The following ADGRG4 variants were observed in gnomAD, a reference collection of about 807,000 sequenced individuals.
ADGRG4 encodes the protein adhesion G protein-coupled receptor G4.
Under a neutral mutation model 126.2 loss-of-function variants are expected in ADGRG4, and 122 were observed. The ratio of observed to expected loss-of-function variants is 0.97; its 90% confidence interval spans 0.83 to 1.12. ADGRG4 has a LOEUF of 1.12. Ranked by LOEUF, ADGRG4 falls within the 50% of genes most tolerant of loss-of-function variation. ADGRG4 has a pLI of 0.00. For missense variants in ADGRG4, 2,481 were observed against 2,251.8 expected, an observed-to-expected ratio of 1.10 and a Z score of -2.06; for synonymous variants, 943 against 838.7, an observed-to-expected ratio of 1.12 and a Z score of -2.15.
Position 136,345,186 on chromosome X carries a change from G to A in ADGRG4, c.1480G>A (p.Ala494Thr), listed in dbSNP as rs778789237. ...TAGAAACCAGACAGCATTTCCATTGGCAACAACTGATATGAAAATAGCATT... is the reference window on the plus strand; with the variant it reads ...TAGAAACCAGACAGCATTTCCATTGACAACAACTGATATGAAAATAGCATT... ...FPRNQTAFPL[A>T]TTDMKIAFTV... Residue 494 changes from alanine to threonine, a missense_variant, in exon 6 of 26, where the codon GCA (alanine) becomes ACA (threonine). Physicochemically the swap from Ala to Thr is moderately conservative, Grantham distance 58. Coordinates refer to ENST00000394143, the MANE Select transcript of ADGRG4 (RefSeq NM_153834.4). The A allele has an allele frequency of 8.3e-7, 1 of 1,209,806 alleles. No homozygotes were observed. Among genetic ancestry groups the A allele is most frequent in the Non-Finnish European group, 1.1e-6 (1 of 893,942 alleles).
At chrX:136,323,463 C>T in intron 5 of ADGRG4, 71 bp downstream of exon 5, 1 of 975,308 alleles carries the variant, frequency 1.0e-6, no homozygotes, top group East Asian at 3.1e-5. Flanking sequence ...TAGCAGTGGC[C>T]CCAGGTTGCT....
chrX:136,324,157 G>T (rs944827143), intron 5 of ADGRG4, among the ~76,000 whole-genome samples: 8 of 111,113 alleles, frequency 7.2e-5, no homozygotes, highest in African/African-American at 2.6e-4. Context: ...ATGTCTGTCA[G>T]ATTTCTCCAC....
intron 5 of ADGRG4, among the ~76,000 whole-genome samples, chrX:136,324,839 C>T (rs757483383): frequency 8.1e-5 from 9 of 111,777 alleles, no homozygotes; most frequent in Admixed American, 5.7e-4. Context: ...TTTACTAAGG[C>T]GTCCCTCTTC....
intron 4 of ADGRG4, among the ~76,000 whole-genome samples, chrX:136,318,452 GA>G (rs1484717309): frequency 1.8e-5 from 2 of 111,860 alleles, no homozygotes; most frequent in Admixed American, 9.5e-5. Flanking sequence ...TCTGGAATTA[GA>G]TAATGGCGAT....
rs757139127 is a variant in ADGRG4 at position 136,349,362 on chromosome X, C to A, written c.5656C>A (p.Pro1886Thr). ...QPLLMTSWNIPTAEGSQFPIS... is the reference protein window; with the variant it reads ...QPLLMTSWNITTAEGSQFPIS... ...TCTGCTTATGACTTCCTGGAACATA[C>A]CCACAGCTGAAGGTTCTCAGTTTCC... Residue 1886 changes from proline to threonine, a missense_variant, in exon 6 of 26, where the codon CCC becomes ACC. Transcript: ENST00000394143. 17 of 1,204,877 alleles carry A rather than the reference C, an allele frequency of 1.4e-5. No individual in the cohort carries two copies. The highest frequency in any genetic ancestry group is 1.8e-5 in the Non-Finnish European group (16 of 890,944).
At chrX:136,319,814 A>G (rs760248450) in intron 4 of ADGRG4, among the ~76,000 whole-genome samples, 106 of 110,492 alleles carry the variant, frequency 9.6e-4, no homozygotes, top group Non-Finnish European at 2.3e-4. Flanking sequence ...CTCTCCATCC[A>G]TTCATCTATC....
chrX:136,327,376 C>T (rs762604281), intron 5 of ADGRG4, among the ~76,000 whole-genome samples: 1 of 109,060 alleles, frequency 9.2e-6, no homozygotes, highest in Non-Finnish European at 1.9e-5. Context: ...TGTAACAGAC[C>T]TGCAAGTTGT....
chrX:136,350,811 C>CACACCAGAAA (rs1348472449), intron 6 of ADGRG4, among the ~76,000 whole-genome samples: 1 of 110,966 alleles, frequency 9.0e-6, no homozygotes, highest in East Asian at 2.8e-4. Flanking sequence ...ATGCTGACCA[C>CACACCAGAAA]ACACCAGAAA....
chrX:136,317,678 A>G (rs1453791210), intron 4 of ADGRG4, among the ~76,000 whole-genome samples: 1 of 111,548 alleles, frequency 9.0e-6, no homozygotes, highest in East Asian at 2.8e-4. Flanking sequence ...AAATATTTGC[A>G]GGTCATCTAT....
At chrX:136,392,108 C>T in intron 16 of ADGRG4, 124 bp from the exon 17 acceptor site, 1 of 544,186 alleles carries the variant, frequency 1.8e-6, no homozygotes. Context: ...CCTTAGCTTG[C>T]AATTTTATTT....
chrX:136,346,811 G>T lies in ADGRG4; in HGVS notation c.3105G>T (p.Glu1035Asp). 1 of 1,211,396 alleles carries T rather than the reference G, an allele frequency of 8.3e-7. No individual in the cohort carries two copies. Among genetic ancestry groups the T allele is most frequent in the Non-Finnish European group, 1.1e-6 (1 of 895,246 alleles). The change falls in exon 6 of 26, where the codon GAG becomes GAT. Residue 1035 changes from glutamate (E) to aspartate (D), a missense_variant. Transcript: ENST00000394143. Reference sequence around the variant, plus strand: ...AGGAGACTGAGGTTACCATGTCTGAGCCTTCTACACTGGCCAGGGCTTTTT... The same window carrying T: ...AGGAGACTGAGGTTACCATGTCTGATCCTTCTACACTGGCCAGGGCTTTTT... The part of the protein sequence containing the change: ...VAEETEVTMS[E>D]PSTLARAFST...
At chrX:136,386,810 T>C (rs2075294499) in intron 15 of ADGRG4, among the ~76,000 whole-genome samples, 1 of 112,409 alleles carries the variant, frequency 8.9e-6, no homozygotes, top group Non-Finnish European at 1.9e-5. Flanking sequence ...AATGTTCCAG[T>C]ACTTGTCAAA....
intron 13 of ADGRG4, among the ~76,000 whole-genome samples, chrX:136,364,601 T>C (rs1432543241): frequency 8.9e-6 from 1 of 112,124 alleles, no homozygotes; most frequent in African/African-American, 3.2e-5. Flanking sequence ...CAACTATTTT[T>C]GTGTTTTTTT....
intron 4 of ADGRG4, among the ~76,000 whole-genome samples, chrX:136,321,122 T>C (rs1337386635): frequency 1.8e-5 from 2 of 111,788 alleles, no homozygotes; most frequent in Non-Finnish European, 3.8e-5. Flanking sequence ...AATTGAGACT[T>C]GGGTTTCATA....
At chrX:136,317,499 C>CAAAAAAAAAAAAAA (rs35736381) in intron 4 of ADGRG4, among the ~76,000 whole-genome samples, 5 of 40,611 alleles carry the variant, frequency 1.2e-4, no homozygotes, top group East Asian at 8.5e-4. Flanking sequence ...GACTCCATCT[C>CAAAAAAAAAAAAAA]AAAAAAAAAA....
intron 25 of ADGRG4, among the ~76,000 whole-genome samples, chrX:136,414,558 T>C (rs1284408219): frequency 8.9e-6 from 1 of 112,638 alleles, no homozygotes; most frequent in Non-Finnish European, 1.9e-5. Flanking sequence ...TATGAATGTG[T>C]TATTAGACTA....
chrX:136,345,079 C>T lies in ADGRG4; in HGVS notation c.1373C>T (p.Ser458Phe), dbSNP rs757913874. 16 of 1,210,755 alleles carry T rather than the reference C, an allele frequency of 1.3e-5. No individual in the cohort carries two copies. Among genetic ancestry groups the T allele is most frequent in the Non-Finnish European group, 1.7e-5 (15 of 894,481 alleles). Residue 458 changes from serine (S) to phenylalanine (F), a missense_variant, in exon 6 of 26, where the codon TCT (serine) becomes TTT (phenylalanine). Ser to Phe is a radical substitution (Grantham distance 155). Coordinates refer to ENST00000394143, the MANE Select transcript of ADGRG4 (RefSeq NM_153834.4). The part of the protein sequence containing the change: ...WFTVEKTSPA[S>F]THVGTASSFP... ...ACAGTGGAAAAGACTTCACCTGCAT[C>T]TACTCATGTTGGGACTGCATCATCA...
chrX:136,308,727 T>C (rs772172872), intron 3 of ADGRG4, 42 bp from the exon 4 acceptor site: 1 of 720,717 alleles, frequency 1.4e-6, no homozygotes, highest in East Asian at 3.2e-5. Context: ...TTGTATTTTC[T>C]GAATATCTGA....
At chrX:136,399,038 G>A (rs1045226990) in intron 20 of ADGRG4, among the ~76,000 whole-genome samples, 19 of 112,214 alleles carry the variant, frequency 1.7e-4, no homozygotes, top group Non-Finnish European at 3.0e-4. Context: ...ATAAGACAAC[G>A]TACTGTGTGG....
Sources: allele counts gnomAD v4.1 joint callset (sites outside exome capture counted in the v4.1 genomes callset), GRCh38; gene constraint gnomAD v4.1.1; transcripts MANE v1.5; gene names NCBI Gene and HGNC (gene_info 2026-07-23, HGNC 2026-07-21).